The following MRGPRX1 variants were observed in gnomAD, a reference collection of about 807,000 sequenced individuals.
The protein encoded by MRGPRX1 is mas-related G protein-coupled receptor member X1.
For synonymous variants in MRGPRX1, 208 were observed against 170.4 expected, an observed-to-expected ratio of 1.22 and a Z score of -1.72; for missense variants, 411 against 393.8, an observed-to-expected ratio of 1.04 and a Z score of -0.37.
rs767259859 is a variant in MRGPRX1, at chr11:18,933,996, A to T, written c.789T>A (p.Leu263=). Residue 263 remains leucine (L), a synonymous_variant, in exon 2 of 2, where the codon CTT becomes CTA. Transcript: ENST00000526914. ...VHLVSIFLSA[L]NSSANPIIYF... ...AAATGATGGGGTTGGCACTGCTGTT[A>T]AGAGCGGACAGGAAAATAGAAACTA... 5.0e-6 allele frequency: 8 copies of T among 1,610,882 alleles called. No individual in the cohort carries two copies. The highest frequency in any genetic ancestry group is 2.5e-6 in the Non-Finnish European group (3 of 1,178,246).
At chr11:18,936,531 T>G (rs1468036154) in intron 1 of MRGPRX1, among the ~76,000 whole-genome samples, 2 of 151,096 alleles carry the variant, frequency 1.3e-5, no homozygotes, top group African/African-American at 2.4e-5. Context: ...CAGGAGTGAG[T>G]GCATCCATCA....
chr11:18,936,081 A>G (rs1848838312), intron 1 of MRGPRX1, among the ~76,000 whole-genome samples: 1 of 151,460 alleles, frequency 6.6e-6, no homozygotes, highest in Non-Finnish European at 1.5e-5. Context: ...TATTATTCCC[A>G]TATGTCAGAT....
intron 1 of MRGPRX1, 117 bp from the exon 2 acceptor site, chr11:18,934,926 A>T: frequency 8.5e-7 from 1 of 1,181,118 alleles, no homozygotes. Flanking sequence ...CTCACAGAGA[A>T]TAAGTCACCT....
intron 1 of MRGPRX1, among the ~76,000 whole-genome samples, chr11:18,937,560 G>C (rs1461886274): frequency 6.6e-6 from 1 of 151,508 alleles, no homozygotes; most frequent in African/African-American, 2.4e-5. Flanking sequence ...TGCCATGTAA[G>C]TTCTTGTTTT....
chr11:18,939,224 G>T (rs1038725115), intron 1 of MRGPRX1, 56 bp downstream of exon 1: 1 of 151,632 alleles, frequency 6.6e-6, no homozygotes, highest in Non-Finnish European at 1.5e-5. Context: ...AAACAGAAAC[G>T]ATCTTATAGC....
rs1430210670 is a variant in MRGPRX1 at position 18,939,330 on chromosome 11, G to A, written c.-76C>T. The A allele has an allele frequency of 6.6e-6, 1 of 151,790 alleles. No individual in the cohort carries two copies. The highest frequency in any genetic ancestry group is 1.5e-5 in the Non-Finnish European group (1 of 68,042). The allele number at this position is 151,790 out of a possible 1,614,324, so 9.4% of individuals were successfully genotyped here. On this transcript the variant is annotated 5_prime_UTR_variant, in exon 1 of 2. Transcript: ENST00000526914. ...TGGTGAAGACGTCCCTTGTGCTAAA[G>A]GTGGAGGGCCTTTCTGGGATTCAGT...
At chr11:18,935,532 T>G (rs1005915075) in intron 1 of MRGPRX1, among the ~76,000 whole-genome samples, 1 of 151,564 alleles carries the variant, frequency 6.6e-6, no homozygotes, top group African/African-American at 2.4e-5. Flanking sequence ...AGAATTCTAT[T>G]TGTGGACAGC....
Position 18,933,743 on chromosome 11 carries a change from A to C in MRGPRX1, c.*73T>G. On this transcript the variant is annotated 3_prime_UTR_variant, in exon 2 of 2. Coordinates refer to ENST00000526914, the MANE Select transcript of MRGPRX1 (RefSeq NM_001393578.1). ...TTTCTGAGGCAGAAGGCTAAGAAAA[A>C]CGCATATAATTGTCAAGGGTGGCAG... The C allele has an allele frequency of 2.0e-6, 3 of 1,518,264 alleles. No homozygotes were observed. Among genetic ancestry groups the C allele is most frequent in the Non-Finnish European group, 1.8e-6 (2 of 1,133,804 alleles). The allele number at this position is 1,518,264 out of a possible 1,614,324, so 94.0% of individuals were successfully genotyped here.
In MRGPRX1 at chr11:18,933,759, A is replaced by G; in HGVS notation, c.*57T>C. On this transcript the variant is annotated 3_prime_UTR_variant, in exon 2 of 2. Transcript: ENST00000526914. ...CTAAGAAAAACGCATATAATTGTCA[A>G]GGGTGGCAGGGCAGTGTTGCTCTCA... The G allele has an allele frequency of 6.5e-7, 1 of 1,534,502 alleles. No homozygotes were observed. The highest frequency in any genetic ancestry group is 8.7e-7 in the Non-Finnish European group (1 of 1,143,424).
Position 18,933,506 on chromosome 11 carries a change from G to GT in MRGPRX1, c.*309dup, listed in dbSNP as rs1386486363. 5.3e-5 allele frequency among the ~76,000 whole-genome samples: 8 copies of GT among 151,434 alleles called. No individual in the cohort carries two copies. Among genetic ancestry groups the GT allele is most frequent in the Non-Finnish European group, 8.9e-5 (6 of 67,790 alleles). On this transcript the variant is annotated 3_prime_UTR_variant, in exon 2 of 2. Transcript: ENST00000526914. ...AAAGAAGTATAAAGAGTGTTTTAGGGTTTTGTACAGGAACTCCTTTTATTA... is the reference window on the plus strand; with the variant it reads ...AAAGAAGTATAAAGAGTGTTTTAGGGTTTTTGTACAGGAACTCCTTTTATTA...
rs765221579 is a variant in MRGPRX1 at position 18,933,850 on chromosome 11, A to G, written c.935T>C (p.Ile312Thr). 3.2e-5 allele frequency: 51 copies of G among 1,609,430 alleles called. 1 individual carries two copies. Among genetic ancestry groups the G allele is most frequent in the Non-Finnish European group, 3.9e-5 (46 of 1,177,722 alleles). The change falls in exon 2 of 2, where the codon ATC becomes ACC. Residue 312 changes from isoleucine (I) to threonine (T), a missense_variant. Coordinates refer to ENST00000526914, the MANE Select transcript of MRGPRX1 (RefSeq NM_001393578.1). ...CAATCTGCTTCCCGACAGCTCCAGG[A>G]TTTCCTCAGGAAGCTGCCCTCCACC... Reference protein sequence around the residue: ...DEGGGQLPEEILELSGSRLEQ With the variant: ...DEGGGQLPEETLELSGSRLEQ
intron 1 of MRGPRX1, 37 bp from the exon 2 acceptor site, chr11:18,934,846 G>C (rs1336297772): frequency 1.1e-5 from 17 of 1,505,102 alleles, no homozygotes; most frequent in Non-Finnish European, 1.5e-5. Context: ...CCAGCTGTAT[G>C]ATCTCTGATT....
At chr11:18,935,859 G>C (rs564816844) in intron 1 of MRGPRX1, among the ~76,000 whole-genome samples, 1 of 151,390 alleles carries the variant, frequency 6.6e-6, no homozygotes, top group East Asian at 1.9e-4. Context: ...TCTTTGGTTC[G>C]TTTCTTTGTT....
intron 1 of MRGPRX1, among the ~76,000 whole-genome samples, chr11:18,936,740 T>C (rs1590006044): frequency 6.6e-6 from 1 of 151,516 alleles, no homozygotes; most frequent in African/African-American, 2.4e-5. Context: ...TCCACTGTGG[T>C]ATCACCAACA....
At position 18,933,832 on chromosome 11, in the gene MRGPRX1, C is replaced by T; in HGVS notation, c.953G>A (p.Ser318Asn). The T allele has an allele frequency of 6.2e-7, 1 of 1,608,508 alleles. No individual in the cohort carries two copies. The highest frequency in any genetic ancestry group is 8.5e-7 in the Non-Finnish European group (1 of 1,177,138). ...LPEEILELSG[S>N]RLEQ ...GGCTCTTCCTCACTGCTCCAATCTGCTTCCCGACAGCTCCAGGATTTCCTC... is the reference window on the plus strand; with the variant it reads ...GGCTCTTCCTCACTGCTCCAATCTGTTTCCCGACAGCTCCAGGATTTCCTC... Residue 318 changes from serine to asparagine, a missense_variant, in exon 2 of 2, where the codon AGC becomes AAC. Physicochemically the swap from Ser to Asn is conservative, Grantham distance 46. Transcript: ENST00000526914.
At chr11:18,939,092 G>A (rs754139324) in intron 1 of MRGPRX1, among the ~76,000 whole-genome samples, 188 bp downstream of exon 1, 3 of 151,304 alleles carry the variant, frequency 2.0e-5, no homozygotes, top group Non-Finnish European at 3.0e-5. Context: ...ATCAAATGGG[G>A]GGACTCCAGT....
Position 18,933,859 on chromosome 11 carries a change from G to A in MRGPRX1, c.926C>T (p.Pro309Leu), listed in dbSNP as rs1313318377. 2 of 1,609,992 alleles carry A rather than the reference G, an allele frequency of 1.2e-6. No individual in the cohort carries two copies. The highest frequency in any genetic ancestry group is 2.7e-5 in the African/African-American group (2 of 74,698). The change falls in exon 2 of 2, where the codon CCT (proline) becomes CTT (leucine). Residue 309 changes from proline to leucine, a missense_variant. Coordinates refer to ENST00000526914, the MANE Select transcript of MRGPRX1 (RefSeq NM_001393578.1). ...TCCCGACAGCTCCAGGATTTCCTCA[G>A]GAAGCTGCCCTCCACCTTCATCCAC... is the stretch of plus-strand genomic sequence containing the variant. ...SEVDEGGGQL[P>L]EEILELSGSR...
intron 1 of MRGPRX1, among the ~76,000 whole-genome samples, chr11:18,936,704 C>T (rs1848843731): frequency 6.6e-6 from 1 of 151,550 alleles, no homozygotes; most frequent in Non-Finnish European, 1.5e-5. Context: ...CCTGAAGCTT[C>T]ATAACGGCTA....
rs1275737962 is a variant in MRGPRX1 at position 18,933,623 on chromosome 11, A to G, written c.*193T>C. Among the ~76,000 whole-genome samples, 9 of 151,562 alleles carry G rather than the reference A, an allele frequency of 5.9e-5. No homozygotes were observed. The Admixed American group carries it at 6.0e-4, about 10-fold the overall frequency. On this transcript the variant is annotated 3_prime_UTR_variant, in exon 2 of 2. Transcript: ENST00000526914. ...TGGTAATATCAAGGAGAATCTAAAC[A>G]TTGTACTGTCAGACTAATGCTTTCC...
Sources: gnomAD v4.1 joint callset for allele counts (sites outside exome capture counted in the v4.1 genomes callset) on GRCh38, gnomAD v4.1.1 for gene constraint, MANE v1.5 for transcripts, NCBI Gene and HGNC (gene_info 2026-07-23, HGNC 2026-07-21) for gene names.